Variants in SEMA3C observed in about 807,000 individuals in gnomAD.
SEMA3C encodes the protein semaphorin-3C.
SEMA3C carries 47 observed loss-of-function variants against 89.4 expected under a neutral mutation model. The observed-to-expected ratio is 0.53, with a 90% CI of 0.42 to 0.67. The LOEUF (loss-of-function observed/expected upper bound fraction) is 0.67, where lower values mean the gene tolerates loss of function less well. Among genes scored for constraint, SEMA3C ranks in the 30% least tolerant of loss-of-function variants. The probability of loss-of-function intolerance (pLI) is 0.00; values close to 1 mark genes in which losing one functional copy is unlikely to be tolerated. For missense variants in SEMA3C, 839 were observed against 929.1 expected (o/e 0.90, Z 1.26); for synonymous variants, 310 against 320.2 (o/e 0.97, Z 0.34).
intron 2 of SEMA3C, among the ~76,000 whole-genome samples, chr7:80,871,542 C>T (rs1272022254): frequency 7.9e-5 from 12 of 152,132 alleles, no homozygotes; most frequent in Admixed American, 7.9e-4. Flanking sequence ...AGGGTATTAA[C>T]CCATTTATGC....
intron 5 of SEMA3C, 48 bp from the exon 6 acceptor site, chr7:80,810,749 T>A (rs376010773): frequency 1.5e-6 from 2 of 1,365,122 alleles, no homozygotes; most frequent in African/African-American, 2.9e-5. Flanking sequence ...ACTTATTTAG[T>A]GAAGACAATT....
chr7:80,884,685 G>A (rs1368656670), intron 2 of SEMA3C, among the ~76,000 whole-genome samples: 8 of 152,176 alleles, frequency 5.3e-5, no homozygotes, highest in Non-Finnish European at 1.0e-4. Context: ...GCTAGTGCAA[G>A]GTAACCAAGA....
intron 12 of SEMA3C, among the ~76,000 whole-genome samples, chr7:80,786,672 G>C (rs1788811170): frequency 6.6e-6 from 1 of 152,230 alleles, no homozygotes; most frequent in South Asian, 2.1e-4. Context: ...ATATGCAAAT[G>C]AAGATTAGCT....
At chr7:80,815,262 G>A (rs1562887971) in intron 5 of SEMA3C, among the ~76,000 whole-genome samples, 1 of 152,046 alleles carries the variant, frequency 6.6e-6, no homozygotes, top group Non-Finnish European at 1.5e-5. Flanking sequence ...ATGAATGGTG[G>A]AATTTAATGT....
intron 2 of SEMA3C, among the ~76,000 whole-genome samples, chr7:80,836,800 C>G (rs1242250005): frequency 3.3e-5 from 5 of 152,148 alleles, no homozygotes; most frequent in Non-Finnish European, 5.9e-5. Context: ...TGTCTTGAAA[C>G]AATGATTCTC....
At chr7:80,853,892 ATGTGTG>A (rs113692755) in intron 2 of SEMA3C, among the ~76,000 whole-genome samples, 7 of 148,958 alleles carry the variant, frequency 4.7e-5, no homozygotes, top group South Asian at 4.3e-4. Context: ...CCCCATATAT[ATGTGTG>A]TGTGTGTGTG....
intron 2 of SEMA3C, among the ~76,000 whole-genome samples, chr7:80,899,799 C>G (rs1202299740): frequency 6.6e-6 from 1 of 152,196 alleles, no homozygotes; most frequent in Non-Finnish European, 1.5e-5. Context: ...TAAATGTTAG[C>G]AGCTGATTCA....
intron 15 of SEMA3C, among the ~76,000 whole-genome samples, chr7:80,757,229 G>A (rs1788085959): frequency 6.6e-6 from 1 of 152,160 alleles, no homozygotes; most frequent in Non-Finnish European, 1.5e-5. Flanking sequence ...GCTACTATTT[G>A]CTCCCTCTGC....
chr7:80,897,268 A>G (rs1323027486), intron 2 of SEMA3C, among the ~76,000 whole-genome samples: 1 of 152,262 alleles, frequency 6.6e-6, no homozygotes, highest in African/African-American at 2.4e-5. Flanking sequence ...TCAAAAACAC[A>G]GAAACATAAA....
chr7:80,859,013 T>C (rs908464868), intron 2 of SEMA3C, among the ~76,000 whole-genome samples: 2 of 152,166 alleles, frequency 1.3e-5, no homozygotes, highest in Admixed American at 6.5e-5. Context: ...GCTTTTCTTT[T>C]CTTTCCTTGA....
chr7:80,744,819 G>C lies in SEMA3C; in HGVS notation c.*75C>G. 6.5e-7 allele frequency: 1 copy of C among 1,536,806 alleles called. No individual in the cohort carries two copies. The highest frequency in any genetic ancestry group is 8.9e-7 in the Non-Finnish European group (1 of 1,117,668). Reference sequence around the variant, plus strand: ...AGTAATTCCCCTTGGTAAAGCACAAGTTTCTTTGCTCAAAATTTGATCATT... The same window carrying C: ...AGTAATTCCCCTTGGTAAAGCACAACTTTCTTTGCTCAAAATTTGATCATT... On this transcript the variant is annotated 3_prime_UTR_variant, in exon 18 of 18. Coordinates refer to ENST00000265361, the MANE Select transcript of SEMA3C (RefSeq NM_006379.5).
intron 2 of SEMA3C, among the ~76,000 whole-genome samples, chr7:80,855,505 A>G (rs1790616848): frequency 6.6e-6 from 1 of 152,080 alleles, no homozygotes; most frequent in South Asian, 2.1e-4. Flanking sequence ...CTTGAATTCA[A>G]GCAATCCTCC....
At chr7:80,773,163 T>G (rs1788472339) in intron 12 of SEMA3C, among the ~76,000 whole-genome samples, 1 of 152,166 alleles carries the variant, frequency 6.6e-6, no homozygotes, top group African/African-American at 2.4e-5. Flanking sequence ...TTTTTCTATT[T>G]TTAGCTAAAA....
intron 2 of SEMA3C, among the ~76,000 whole-genome samples, chr7:80,841,061 A>G (rs1243987490): frequency 6.6e-6 from 1 of 152,160 alleles, no homozygotes; most frequent in Admixed American, 6.5e-5. Context: ...TTCTCAGCAG[A>G]AACAAGGAGC....
At chr7:80,774,598 A>T (rs1788504347) in intron 12 of SEMA3C, among the ~76,000 whole-genome samples, 1 of 152,174 alleles carries the variant, frequency 6.6e-6, no homozygotes, top group South Asian at 2.1e-4. Flanking sequence ...TGGGGTTAAT[A>T]GCAGATTAAA....
intron 14 of SEMA3C, among the ~76,000 whole-genome samples, chr7:80,758,884 A>G (rs1005633391): frequency 2.0e-5 from 3 of 152,184 alleles, no homozygotes; most frequent in Non-Finnish European, 4.4e-5. Context: ...TACTTTGTAA[A>G]TTTGAGAAAG....
In SEMA3C at chr7:80,804,236, A is replaced by G. The variant is rs772606081; in HGVS notation, c.671T>C (p.Val224Ala). Residue 224 changes from valine (V) to alanine (A), a missense_variant, in exon 8 of 18, where the codon GTA becomes GCA. Coordinates refer to ENST00000265361, the MANE Select transcript of SEMA3C (RefSeq NM_006379.5). Reference sequence around the variant, plus strand: ...ACCATCTGGGATGACATGTGCATCTACAAACATAGGTTCTAGAAAAAAAGG... The same window carrying G: ...ACCATCTGGGATGACATGTGCATCTGCAAACATAGGTTCTAGAAAAAAAGG... The part of the protein sequence containing the change: ...NSKWLSEPMF[V>A]DAHVIPDGTD... 6.3e-7 allele frequency: 1 copy of G among 1,599,522 alleles called. No homozygotes were observed. Among genetic ancestry groups the G allele is most frequent in the Non-Finnish European group, 8.5e-7 (1 of 1,173,168 alleles).
At chr7:80,873,904 T>A (rs933150597) in intron 2 of SEMA3C, among the ~76,000 whole-genome samples, 2 of 152,142 alleles carry the variant, frequency 1.3e-5, no homozygotes, top group South Asian at 4.1e-4. Flanking sequence ...TAGCCTTATT[T>A]GCACCATTAG....
intron 5 of SEMA3C, chr7:80,816,051 GAGA>G (rs1380642859): frequency 6.6e-6 from 1 of 152,114 alleles, no homozygotes; most frequent in East Asian, 1.9e-4. Flanking sequence ...GTAGACACAG[GAGA>G]AGAACCGTGG....
Sources: allele counts gnomAD v4.1 joint callset (sites outside exome capture counted in the v4.1 genomes callset), GRCh38; gene constraint gnomAD v4.1.1; transcripts MANE v1.5; gene names NCBI Gene and HGNC (gene_info 2026-07-23, HGNC 2026-07-21).